HDGFL2: variants seen among roughly 807,000 people sequenced by gnomAD.
HDGFL2 encodes the protein hepatoma-derived growth factor-related protein 2.
In HDGFL2, 36 loss-of-function variants were observed where a neutral mutation model predicts 77.1. The ratio of observed to expected loss-of-function variants is 0.47; its 90% CI spans 0.36 to 0.62. HDGFL2 has a LOEUF of 0.62. HDGFL2 is among the 20% of genes least tolerant of loss of function. HDGFL2 has a pLI of 0.00. For missense variants in HDGFL2, 976 were observed against 973.4 expected (o/e 1.00, Z -0.04); for synonymous variants, 463 against 413.1 (o/e 1.12, Z -1.46).
chr19:4,492,524 GTGTC>G (rs1351971479), intron 6 of HDGFL2, among the ~76,000 whole-genome samples: 5 of 152,062 alleles, frequency 3.3e-5, no homozygotes, highest in South Asian at 2.1e-4. Context: ...CTGTGTTTGT[GTGTC>G]TGTGTGTGGT....
intron 3 of HDGFL2, among the ~76,000 whole-genome samples, chr19:4,483,066 G>C (rs1975261716): frequency 6.6e-6 from 1 of 152,228 alleles, no homozygotes; most frequent in South Asian, 2.1e-4. Context: ...TCTGTGGAGA[G>C]GCGTGATCGA....
At chr19:4,488,069 C>T (rs369655827) in intron 3 of HDGFL2, among the ~76,000 whole-genome samples, 13 of 152,152 alleles carry the variant, frequency 8.5e-5, no homozygotes, top group African/African-American at 3.1e-4. Flanking sequence ...CTCGTGGGTT[C>T]AAGTGATTCT....
At chr19:4,501,715 C>T in intron 15 of HDGFL2, 196 bp from the exon 16 acceptor site, 1 of 528,540 alleles carries the variant, frequency 1.9e-6, no homozygotes, top group Non-Finnish European at 3.3e-6. Context: ...TGTGCTATGC[C>T]TGGCTGGCGC....
intron 11 of HDGFL2, 99 bp from the exon 12 acceptor site, chr19:4,498,207 C>G: frequency 2.3e-6 from 3 of 1,277,348 alleles, no homozygotes; most frequent in Non-Finnish European, 3.4e-6. Flanking sequence ...CTGGGGCCCC[C>G]ATGACAAATC....
chr19:4,497,502 G>C (rs997753739), intron 10 of HDGFL2: 3 of 303,304 alleles, frequency 9.9e-6, no homozygotes, highest in Non-Finnish European at 1.9e-5. Flanking sequence ...TGGTCCCCCA[G>C]CCCACTTTCT....
Position 4,501,203 on chromosome 19 carries a change from C to T in HDGFL2, c.1802C>T (p.Pro601Leu), listed in dbSNP as rs1202501525. 6.2e-7 allele frequency: 1 copy of T among 1,613,406 alleles called. No homozygotes were observed. Among genetic ancestry groups the T allele is most frequent in the Non-Finnish European group, 8.5e-7 (1 of 1,179,910 alleles). The change falls in exon 15 of 16, where the codon CCA (proline) becomes CTA (leucine). Residue 601 changes from proline (P) to leucine (L), a missense_variant. Around this residue, in one of 5 missense-constraint regions of HDGFL2, gnomAD observed 229 missense variants for 187.3 expected, o/e 1.22. Coordinates refer to ENST00000616600, the MANE Select transcript of HDGFL2 (RefSeq NM_001001520.3). ...CTGTCCCACCCAGATCTCTCAGCCCCAGTGAATGGCGAGGCCACATCACAG... is the reference window on the plus strand; with the variant it reads ...CTGTCCCACCCAGATCTCTCAGCCCTAGTGAATGGCGAGGCCACATCACAG... ...EDKPSTDLSA[P>L]VNGEATSQKG...
In HDGFL2 at chr19:4,489,259, C is replaced by CT. The variant is rs11365024; in HGVS notation, c.489+396dup. 2.5e-3 allele frequency among the ~76,000 whole-genome samples: 356 copies of CT among 143,580 alleles called. 1 individual carries two copies. Among genetic ancestry groups the CT allele is most frequent in the Non-Finnish European group, 3.1e-3 (204 of 65,638 alleles). 94.2% of individuals were successfully genotyped at this position (143,580 alleles called of 152,430 possible). On this transcript the variant is annotated intron_variant, in intron 4 of 15. Transcript: ENST00000616600. Reference sequence around the variant, plus strand: ...TGAGCCACTGCGCCTGGCCACCTTTCTTTTTTTTTTTTTGAGATGGAGTTC... The same window carrying CT: ...TGAGCCACTGCGCCTGGCCACCTTTCTTTTTTTTTTTTTTGAGATGGAGTTC...
At chr19:4,477,955 C>T (rs2145156034) in intron 3 of HDGFL2, among the ~76,000 whole-genome samples, 1 of 151,904 alleles carries the variant, frequency 6.6e-6, no homozygotes, top group East Asian at 2.0e-4. Context: ...TGGCAGGCGC[C>T]TATAATCCCA....
chr19:4,499,444 A>G lies in HDGFL2; in HGVS notation c.1576-47A>G, dbSNP rs773641125. 29 of 1,571,330 alleles carry G rather than the reference A, an allele frequency of 1.8e-5. No homozygotes were observed. The East Asian group carries it at 2.9e-4, about 16-fold the overall frequency. On this transcript the variant is annotated intron_variant, in intron 13 of 15. Transcript: ENST00000616600. ...GGGCGAGGGGTTCAGAGCCGGGGCT[A>G]GGGCCGCTGCACTTGGGTGAGCCAG...
chr19:4,494,461 G>T lies in HDGFL2; in HGVS notation c.1210G>T (p.Glu404Ter). ...PSSSDSEPEA[E>*]LEREAKKSAK... ...CTCCTCTGACTCCGAGCCCGAGGCC[G>T]AGCTGGAGAGAGAGGTGAGCCGGGA... is the stretch of plus-strand genomic sequence containing the variant. The change falls in exon 9 of 16, where the codon GAG (glutamate) becomes TAG (stop). Residue 404 changes from glutamate (E) to a stop codon, truncating the protein, a stop_gained. Transcript: ENST00000616600. LOFTEE classifies it high-confidence loss of function. The T allele has an allele frequency of 7.2e-7, 1 of 1,391,630 alleles. No homozygotes were observed. Among genetic ancestry groups the T allele is most frequent in the South Asian group, 1.7e-5 (1 of 59,636 alleles). The allele number at this position is 1,391,630 out of a possible 1,614,324, so 86.2% of individuals were successfully genotyped here. A position where few individuals can be genotyped will look rare whatever the true frequency, so the allele number is the denominator to read the frequency against.
At chr19:4,498,526 T>A in intron 12 of HDGFL2, 150 bp downstream of exon 12, 1 of 677,364 alleles carries the variant, frequency 1.5e-6, no homozygotes, top group Non-Finnish European at 2.6e-6. Flanking sequence ...GCGCATGGGG[T>A]CTCCTGGCCA....
At chr19:4,492,833 CTGTGTGGTGTGTGTGTTGTCTGTGTG>C (rs1975559419) in intron 6 of HDGFL2, among the ~76,000 whole-genome samples, 1 of 129,638 alleles carries the variant, frequency 7.7e-6, no homozygotes, top group East Asian at 2.3e-4. Flanking sequence ...TGTGTGTTAT[CTGTGTGGTGTGTGTGTTGTCTGTGTG>C]TGTGTGGTGT....
chr19:4,497,691 C>T (rs906054216), intron 10 of HDGFL2: 32 of 516,704 alleles, frequency 6.2e-5, no homozygotes, highest in Admixed American at 6.1e-4. Context: ...CAGCCCTTGG[C>T]CATGTGAACG....
intron 15 of HDGFL2, chr19:4,501,707 T>C (rs986299301): frequency 7.6e-6 from 4 of 525,166 alleles, no homozygotes; most frequent in African/African-American, 2.0e-5. Flanking sequence ...AGCTGCCTTG[T>C]GCTATGCCTG....
intron 3 of HDGFL2, among the ~76,000 whole-genome samples, chr19:4,485,460 C>T (rs1379505072): frequency 6.6e-6 from 1 of 151,982 alleles, no homozygotes; most frequent in Non-Finnish European, 1.5e-5. Flanking sequence ...CAGTTTTGGC[C>T]AGGCGTGGTG....
intron 3 of HDGFL2, 91 bp downstream of exon 3, chr19:4,475,674 C>A (rs1975054149): frequency 7.0e-7 from 1 of 1,431,656 alleles, no homozygotes; most frequent in East Asian, 2.4e-5. Context: ...GCACTGTGGA[C>A]ACATGGGGCT....
chr19:4,501,104 GC>G, intron 14 of HDGFL2, 86 bp from the exon 15 acceptor site: 2 of 1,556,046 alleles, frequency 1.3e-6, no homozygotes, highest in South Asian at 2.3e-5. Flanking sequence ...GCTCAGCTTG[GC>G]CCCTGGTCCA....
chr19:4,489,232 C>G (rs933015129), intron 4 of HDGFL2, among the ~76,000 whole-genome samples: 1 of 149,382 alleles, frequency 6.7e-6, no homozygotes, highest in African/African-American at 2.5e-5. Context: ...GGATTACAGT[C>G]TTGAGCCACT....
Position 4,494,432 on chromosome 19 carries a change from C to T in HDGFL2, c.1181C>T (p.Pro394Leu). The T allele has an allele frequency of 1.4e-6, 2 of 1,404,786 alleles. No homozygotes were observed. The highest frequency in any genetic ancestry group is 1.8e-6 in the Non-Finnish European group (2 of 1,084,684). 87.0% of individuals were successfully genotyped at this position (1,404,786 alleles called of 1,614,324 possible). ...CGCAAGGGCCGGGGCCGGGGTCCCC[C>T]GTCCTCCTCTGACTCCGAGCCCGAG... ...RGRKGRGRGPPSSSDSEPEAE... is the reference protein window; with the variant it reads ...RGRKGRGRGPLSSSDSEPEAE... The change falls in exon 9 of 16, where the codon CCG becomes CTG. Residue 394 changes from proline to leucine, a missense_variant. By Grantham distance (98) the Pro-to-Leu change is moderately conservative. This residue lies in a region of HDGFL2 where 567 missense variants were observed against 534.7 expected (regional missense o/e 1.06). Coordinates refer to ENST00000616600, the MANE Select transcript of HDGFL2 (RefSeq NM_001001520.3).
Sources: gnomAD v4.1 joint callset for allele counts (sites outside exome capture counted in the v4.1 genomes callset) on GRCh38, gnomAD v4.1.1 for gene constraint, gnomAD v4.1.1 regional missense constraint, MANE v1.5 for transcripts, NCBI Gene and HGNC (gene_info 2026-07-23, HGNC 2026-07-21) for gene names.